DPP10: variants seen among roughly 807,000 people sequenced by gnomAD.
DPP10 encodes dipeptidyl peptidase like 10, also known as inactive dipeptidyl peptidase 10.
DPP10 carries 33 observed loss-of-function variants against 120.9 expected under a neutral mutation model. The observed-to-expected ratio is 0.27, with a 90% CI of 0.21 to 0.37. The LOEUF (loss-of-function observed/expected upper bound fraction) is 0.37. Among genes scored for constraint, DPP10 ranks in the 10% least tolerant of loss-of-function variants. DPP10 has a pLI of 1.00. For missense variants in DPP10, 816 were observed against 942.8 expected (o/e 0.87, Z 1.76); for synonymous variants, 337 against 326.1 (o/e 1.03, Z -0.36).
Position 115,796,977 on chromosome 2 carries a change from A to G in DPP10, c.1700+5621A>G, listed in dbSNP as rs139518591. 6.6e-4 allele frequency among the ~76,000 whole-genome samples: 101 copies of G among 152,212 alleles called. 2 individuals carry two copies. Among genetic ancestry groups the G allele is most frequent in the African/African-American group, 2.3e-3 (95 of 41,548 alleles). On this transcript the variant is annotated intron_variant, in intron 19 of 25. Transcript: ENST00000410059. Reference sequence around the variant, plus strand: ...ATTACCCAATGCTGCCTGCCTACATAGTCCACCGTATTATGATAATTATTG... The same window carrying G: ...ATTACCCAATGCTGCCTGCCTACATGGTCCACCGTATTATGATAATTATTG...
chr2:114,982,996 T>A (rs1700181592), intron 1 of DPP10, among the ~76,000 whole-genome samples: 1 of 152,218 alleles, frequency 6.6e-6, no homozygotes, highest in South Asian at 2.1e-4. Flanking sequence ...TATGCATTAA[T>A]TATGCCTTGG....
chr2:114,560,736 G>C (rs1192533363), intron 1 of DPP10, among the ~76,000 whole-genome samples: 1 of 152,134 alleles, frequency 6.6e-6, no homozygotes, highest in Admixed American at 6.6e-5. Flanking sequence ...AACTCTGCCC[G>C]GGCTCCTGGA....
At chr2:114,808,056 C>T (rs965776070) in intron 1 of DPP10, among the ~76,000 whole-genome samples, 4 of 152,178 alleles carry the variant, frequency 2.6e-5, no homozygotes, top group African/African-American at 7.2e-5. Flanking sequence ...CAAGAGAAAA[C>T]GTTTCAGCAG....
chr2:114,913,416 G>A (rs961543480), intron 1 of DPP10, among the ~76,000 whole-genome samples: 6 of 152,140 alleles, frequency 3.9e-5, no homozygotes, highest in Non-Finnish European at 7.3e-5. Context: ...ATAACCTCGA[G>A]GGGCCAGAGA....
At chr2:115,818,542 C>G (rs1687496453) in intron 21 of DPP10, among the ~76,000 whole-genome samples, 1 of 151,996 alleles carries the variant, frequency 6.6e-6, no homozygotes, top group South Asian at 2.1e-4. Flanking sequence ...GCAACATGAG[C>G]TGAGTGGTGA....
At chr2:115,764,488 T>C (rs1357988522) in intron 12 of DPP10, among the ~76,000 whole-genome samples, 7 of 152,000 alleles carry the variant, frequency 4.6e-5, no homozygotes, top group Admixed American at 4.6e-4. Flanking sequence ...ATACAGAAAA[T>C]AAGAACAATG....
chr2:115,822,346 C>T (rs979701984), intron 21 of DPP10, among the ~76,000 whole-genome samples: 2 of 151,922 alleles, frequency 1.3e-5, no homozygotes, highest in Non-Finnish European at 2.9e-5. Flanking sequence ...CATATCTTAA[C>T]ATCAGATAGT....
intron 3 of DPP10, among the ~76,000 whole-genome samples, chr2:115,442,486 G>A (rs1296715347): frequency 6.6e-6 from 1 of 152,028 alleles, no homozygotes; most frequent in African/African-American, 2.4e-5. Context: ...TTTATTAACA[G>A]TATTCAGTGT....
intron 1 of DPP10, among the ~76,000 whole-genome samples, chr2:114,486,254 A>T (rs1374209097): frequency 6.6e-6 from 1 of 152,058 alleles, no homozygotes; most frequent in Non-Finnish European, 1.5e-5. Flanking sequence ...ACTGCATTTC[A>T]ATTTCTTTTC....
chr2:114,721,689 A>G (rs1701715028), intron 1 of DPP10, among the ~76,000 whole-genome samples: 1 of 152,318 alleles, frequency 6.6e-6, no homozygotes, highest in Admixed American at 6.5e-5. Flanking sequence ...TTCTGTAATA[A>G]TGTACACATA....
intron 5 of DPP10, among the ~76,000 whole-genome samples, chr2:115,650,856 G>A (rs1001563288): frequency 2.0e-5 from 3 of 151,982 alleles, no homozygotes; most frequent in Non-Finnish European, 2.9e-5. Context: ...GAGGCCCAGA[G>A]AAGAAATGAG....
At chr2:115,250,901 A>G (rs1449569191) in intron 1 of DPP10, among the ~76,000 whole-genome samples, 3 of 152,206 alleles carry the variant, frequency 2.0e-5, no homozygotes, top group African/African-American at 2.4e-5. Context: ...TGTCCACACC[A>G]TGACAGTCTT....
At chr2:115,203,113 G>T (rs890484212) in intron 1 of DPP10, among the ~76,000 whole-genome samples, 1 of 152,172 alleles carries the variant, frequency 6.6e-6, no homozygotes, top group Admixed American at 6.6e-5. Flanking sequence ...AATAAGGAAG[G>T]TGTAGAAGGT....
intron 1 of DPP10, among the ~76,000 whole-genome samples, chr2:114,456,366 A>G (rs895183134): frequency 1.3e-5 from 2 of 152,254 alleles, no homozygotes; most frequent in East Asian, 1.9e-4. Context: ...TTTTAAGTCC[A>G]TTTGGACTAG....
intron 1 of DPP10, among the ~76,000 whole-genome samples, chr2:114,735,965 T>C (rs1237054766): frequency 6.6e-6 from 1 of 152,030 alleles, no homozygotes; most frequent in Non-Finnish European, 1.5e-5. Context: ...TAGTAGAAAC[T>C]ACTACTAAGA....
intron 1 of DPP10, among the ~76,000 whole-genome samples, chr2:114,965,533 T>C (rs1411894795): frequency 1.3e-5 from 2 of 151,946 alleles, no homozygotes; most frequent in African/African-American, 4.8e-5. Flanking sequence ...GAGAGTAGAT[T>C]TGGTTGAATT....
chr2:115,615,872 AATATT>A (rs1470754622), intron 5 of DPP10, among the ~76,000 whole-genome samples: 3 of 152,162 alleles, frequency 2.0e-5, no homozygotes, highest in East Asian at 1.9e-4. Context: ...ATGAAGAACT[AATATT>A]ATAAGTATCA....
At chr2:114,720,318 A>G (rs1701622191) in intron 1 of DPP10, among the ~76,000 whole-genome samples, 1 of 152,140 alleles carries the variant, frequency 6.6e-6, no homozygotes, top group Non-Finnish European at 1.5e-5. Flanking sequence ...TTTTAGTTAA[A>G]TAACTTATTT....
At chr2:114,477,757 G>A (rs1329622918) in intron 1 of DPP10, among the ~76,000 whole-genome samples, 1 of 88,756 alleles carries the variant, frequency 1.1e-5, no homozygotes, top group African/African-American at 2.8e-5. Context: ...ACATAAACAT[G>A]TATGGGTATA....
Sources: allele counts gnomAD v4.1 joint callset (sites outside exome capture counted in the v4.1 genomes callset), GRCh38; gene constraint gnomAD v4.1.1; transcripts MANE v1.5; gene names NCBI Gene and HGNC (gene_info 2026-07-23, HGNC 2026-07-21).